NCKAP5: variants seen among roughly 807,000 people sequenced by gnomAD.
NCKAP5 encodes nck-associated protein 5.
A neutral mutation model predicts 167.0 loss-of-function variants in NCKAP5; 92 were observed. The ratio of observed to expected loss-of-function variants is 0.55; its 90% confidence interval spans 0.47 to 0.66. The LOEUF is 0.66. Among genes scored for constraint, NCKAP5 ranks in the 30% least tolerant of loss-of-function variants. The pLI, the probability that NCKAP5 is intolerant of heterozygous loss-of-function variation, is 0.00. For missense variants in NCKAP5, 2,378 were observed against 2,315.0 expected (o/e 1.03, Z -0.56); for synonymous variants, 891 against 877.4 (o/e 1.02, Z -0.27).
chr2:133,248,388 C>T (rs542039426), intron 4 of NCKAP5, among the ~76,000 whole-genome samples: 19 of 152,360 alleles, frequency 1.2e-4, no homozygotes, highest in Admixed American at 3.9e-4. Flanking sequence ...CATCACAAGG[C>T]CACCTGCTAT....
chr2:132,788,109 A>C, intron 13 of NCKAP5, among the ~76,000 whole-genome samples: 1 of 152,174 alleles, frequency 6.6e-6, no homozygotes, highest in East Asian at 1.9e-4. Context: ...GTCTAGGCCA[A>C]TCTTGAAGCT....
chr2:133,377,397 T>C (rs1221970565), intron 3 of NCKAP5, among the ~76,000 whole-genome samples: 1 of 152,214 alleles, frequency 6.6e-6, no homozygotes, highest in Non-Finnish European at 1.5e-5. Flanking sequence ...AGCAAGCTTC[T>C]TGAATTCTTG....
intron 15 of NCKAP5, among the ~76,000 whole-genome samples, chr2:132,778,715 G>C (rs1051888767): frequency 3.3e-5 from 5 of 152,086 alleles, no homozygotes; most frequent in Non-Finnish European, 5.9e-5. Flanking sequence ...GAGCCCTAGT[G>C]GGGGGAAATT....
the NCKAP5 span, among the ~76,000 whole-genome samples, chr2:133,657,085 G>A: frequency 6.6e-6 from 1 of 152,324 alleles, no homozygotes; most frequent in East Asian, 1.9e-4. Flanking sequence ...CTCAACTGGA[G>A]ATGTCTTTTA....
chr2:133,286,871 A>T (rs1314955571), intron 4 of NCKAP5, among the ~76,000 whole-genome samples: 6 of 152,182 alleles, frequency 3.9e-5, no homozygotes, highest in African/African-American at 1.4e-4. Flanking sequence ...GAACAGGGAG[A>T]TGTTATAAGT....
At chr2:133,386,680 T>A (rs1686993630) in intron 3 of NCKAP5, among the ~76,000 whole-genome samples, 1 of 152,150 alleles carries the variant, frequency 6.6e-6, no homozygotes, top group African/African-American at 2.4e-5. Context: ...CGTGTGGGAG[T>A]CTAAGTCTCT....
Position 132,781,206 on chromosome 2 carries a change from T to C in NCKAP5, c.4895A>G (p.Gln1632Arg), listed in dbSNP as rs768275992. 1.9e-6 allele frequency: 3 copies of C among 1,613,696 alleles called. No homozygotes were observed. Among genetic ancestry groups the C allele is most frequent in the Non-Finnish European group, 2.5e-6 (3 of 1,179,822 alleles). The change falls in exon 15 of 20, where the codon CAG becomes CGG. Residue 1632 changes from glutamine to arginine, a missense_variant. Transcript: ENST00000409261. ...AGCATTACTTGATCCACTTTCTGTCTGTGGAGCTGCTTTCTTATCAACTCT... is the reference window on the plus strand; with the variant it reads ...AGCATTACTTGATCCACTTTCTGTCCGTGGAGCTGCTTTCTTATCAACTCT... ...LNRVDKKAAP[Q>R]TESGSSNASC...
At chr2:133,152,540 T>C (rs2149892972) in intron 5 of NCKAP5, among the ~76,000 whole-genome samples, 1 of 152,320 alleles carries the variant, frequency 6.6e-6, no homozygotes, top group African/African-American at 2.4e-5. Context: ...AAAATTATAA[T>C]TTCTCCCATT....
intron 3 of NCKAP5, among the ~76,000 whole-genome samples, chr2:133,335,659 G>T (rs577341914): frequency 2.6e-5 from 4 of 152,168 alleles, no homozygotes; most frequent in South Asian, 4.1e-4. Flanking sequence ...CTTTACTTTT[G>T]CATATTCTAT....
chr2:132,916,999 AT>A (rs1694935073), intron 8 of NCKAP5, among the ~76,000 whole-genome samples: 1 of 152,166 alleles, frequency 6.6e-6, no homozygotes, highest in Non-Finnish European at 1.5e-5. Context: ...ATGACAACTA[AT>A]GTTTATGGAA....
chr2:133,014,216 G>T (rs1283348276), intron 6 of NCKAP5, among the ~76,000 whole-genome samples: 1 of 152,188 alleles, frequency 6.6e-6, no homozygotes, highest in Non-Finnish European at 1.5e-5. Context: ...TTATTCCTAT[G>T]CCCTTATGTC....
chr2:133,538,603 T>C (rs1008595943), intron 2 of NCKAP5, among the ~76,000 whole-genome samples: 24 of 151,664 alleles, frequency 1.6e-4, no homozygotes, highest in Non-Finnish European at 5.9e-5. Context: ...TTGGACCTAC[T>C]GACTTCTGTG....
At chr2:133,551,244 T>G (rs1687266288) in intron 2 of NCKAP5, among the ~76,000 whole-genome samples, 1 of 151,506 alleles carries the variant, frequency 6.6e-6, no homozygotes, top group South Asian at 2.1e-4. Context: ...AAAAAACTAC[T>G]TTAAAGTTCA....
At position 132,730,336 on chromosome 2, in the gene NCKAP5, A is replaced by T. The variant is rs1301870390; in HGVS notation, c.5444-1384T>A. ...TGGCGAAACCCCATCTCTACTAAAA[A>T]TACAAAAAATTAGCCAGGTATGGTG... On this transcript the variant is annotated intron_variant, in intron 17 of 19. Transcript: ENST00000409261. 3.3e-5 allele frequency among the ~76,000 whole-genome samples: 5 copies of T among 152,288 alleles called. No individual in the cohort carries two copies. In the East Asian group the frequency reaches 7.7e-4, roughly 24 times the overall value.
chr2:133,666,900 C>G, the NCKAP5 span, among the ~76,000 whole-genome samples: 4 of 151,846 alleles, frequency 2.6e-5, no homozygotes, highest in African/African-American at 9.7e-5. Flanking sequence ...GCATATAAGT[C>G]TGAGAGGGAG....
chr2:132,766,865 C>T (rs967244271), intron 16 of NCKAP5, among the ~76,000 whole-genome samples: 1 of 152,144 alleles, frequency 6.6e-6, no homozygotes, highest in African/African-American at 2.4e-5. Context: ...AACAACTGTA[C>T]ATCATATGAC....
intron 11 of NCKAP5, among the ~76,000 whole-genome samples, chr2:132,830,916 C>G (rs1286314723): frequency 6.6e-6 from 1 of 152,126 alleles, no homozygotes; most frequent in Non-Finnish European, 1.5e-5. Context: ...CCATCTCACC[C>G]CCCTTCAGTC....
chr2:133,337,331 A>T (rs1053238640), intron 3 of NCKAP5, among the ~76,000 whole-genome samples: 8 of 152,180 alleles, frequency 5.3e-5, no homozygotes, highest in African/African-American at 1.4e-4. Context: ...GATTCAGGAC[A>T]ACTTGAGATG....
At chr2:132,946,958 A>C (rs2149124470) in intron 8 of NCKAP5, among the ~76,000 whole-genome samples, 1 of 152,326 alleles carries the variant, frequency 6.6e-6, no homozygotes, top group Admixed American at 6.5e-5. Context: ...GAAAAGTGAG[A>C]GTTATAAAAC....
Sources: gnomAD v4.1 joint callset for allele counts (sites outside exome capture counted in the v4.1 genomes callset) on GRCh38, gnomAD v4.1.1 for gene constraint, MANE v1.5 for transcripts, NCBI Gene and HGNC (gene_info 2026-07-23, HGNC 2026-07-21) for gene names.